DIP2C: variants seen among roughly 807,000 people sequenced by gnomAD.
DIP2C encodes disco-interacting protein 2 homolog C.
In DIP2C, 33 loss-of-function variants were observed where a neutral mutation model predicts 192.4. That is an observed-to-expected ratio of 0.17 (90% CI 0.13 to 0.23). The LOEUF (loss-of-function observed/expected upper bound fraction) is 0.23. Ranked by LOEUF, DIP2C falls within the 10% of genes least tolerant of loss-of-function variation. The pLI is 1.00. For synonymous variants in DIP2C, 979 were observed against 864.1 expected (o/e 1.13, Z -2.33); for missense variants, 1,537 against 2,110.1 (o/e 0.73, Z 5.32).
intron 4 of DIP2C, among the ~76,000 whole-genome samples, chr10:440,467 T>C (rs1282349569): frequency 6.6e-6 from 1 of 152,250 alleles, no homozygotes; most frequent in Non-Finnish European, 1.5e-5. Flanking sequence ...TCCAATTTGC[T>C]TGTTCTAAAA....
At chr10:479,243 A>G (rs1433691456) in intron 2 of DIP2C, among the ~76,000 whole-genome samples, 2 of 150,178 alleles carry the variant, frequency 1.3e-5, no homozygotes, top group African/African-American at 4.9e-5. Context: ...TTTTCCTTGT[A>G]TTCACTGGGA....
At chr10:404,156 C>A (rs767188253) in intron 9 of DIP2C, among the ~76,000 whole-genome samples, 5 of 151,966 alleles carry the variant, frequency 3.3e-5, no homozygotes, top group African/African-American at 7.2e-5. Flanking sequence ...TTCATCAGCA[C>A]GTGAATCCTA....
intron 16 of DIP2C, among the ~76,000 whole-genome samples, chr10:383,778 T>C (rs576182515): frequency 6.6e-6 from 1 of 152,286 alleles, no homozygotes; most frequent in Non-Finnish European, 1.5e-5. Flanking sequence ...ATCCCAGGGC[T>C]GTGGAGTCTA....
chr10:335,099 A>T (rs920804043), intron 29 of DIP2C, among the ~76,000 whole-genome samples: 5 of 152,242 alleles, frequency 3.3e-5, no homozygotes, highest in African/African-American at 1.2e-4. Flanking sequence ...AATTTTTAAA[A>T]ACAGGTGTAA....
intron 29 of DIP2C, among the ~76,000 whole-genome samples, chr10:336,830 CTG>C (rs1266923996): frequency 8.3e-5 from 12 of 145,046 alleles, no homozygotes; most frequent in Non-Finnish European, 1.4e-4. Flanking sequence ...GCCTAGGCAG[CTG>C]TGTGTGTGTG....
intron 1 of DIP2C, among the ~76,000 whole-genome samples, chr10:615,326 G>A (rs1384392159): frequency 6.6e-6 from 1 of 152,190 alleles, no homozygotes; most frequent in Non-Finnish European, 1.5e-5. Flanking sequence ...AGCACTGCAT[G>A]GCTGCTTCTG....
chr10:564,113 A>G (rs1849345148), intron 1 of DIP2C, among the ~76,000 whole-genome samples: 1 of 152,166 alleles, frequency 6.6e-6, no homozygotes, highest in African/African-American at 2.4e-5. Flanking sequence ...ACAGAAAAAG[A>G]CTTAGGGGAG....
In DIP2C at chr10:636,383, CAACT is replaced by C. The variant is rs902926150; in HGVS notation, c.85+53107_85+53110del. Among the ~76,000 whole-genome samples, 2 of 152,146 alleles carry C rather than the reference CAACT, an allele frequency of 1.3e-5. No individual in the cohort carries two copies. Among genetic ancestry groups the C allele is most frequent in the Non-Finnish European group, 2.9e-5 (2 of 68,026 alleles). ...AAGTTTTCTCCACGTGGAGTTCCGA[CAACT>C]AACATTTCGGTAGATTTGCTTTCTC... On this transcript the variant is annotated intron_variant, in intron 1 of 36. Transcript: ENST00000280886. This position sits in a 1 kb window ranked among gnomAD's most constrained non-coding sequence, Gnocchi z 4.6.
intron 1 of DIP2C, among the ~76,000 whole-genome samples, chr10:564,747 G>GAACTCAGCC (rs1849374240): frequency 6.6e-6 from 1 of 152,140 alleles, no homozygotes; most frequent in Non-Finnish European, 1.5e-5. Context: ...GCACTGCACA[G>GAACTCAGCC]AACTCAGCCT....
Position 363,409 on chromosome 10 carries a change from A to G in DIP2C, c.2478-98T>C. ...TCCATAACCATCACTAGTGAGTGAC[A>G]CAGCTCCAACTACGACTTCAAAACG... is the stretch of plus-strand genomic sequence containing the variant. On this transcript the variant is annotated intron_variant, in intron 20 of 36. Coordinates refer to ENST00000280886, the MANE Select transcript of DIP2C (RefSeq NM_014974.3). The surrounding 1 kb of genome is among the most constrained non-coding windows in gnomAD (Gnocchi z 5.4). 1 of 969,550 alleles carries G rather than the reference A, an allele frequency of 1.0e-6. No homozygotes were observed. Among genetic ancestry groups the G allele is most frequent in the Non-Finnish European group, 1.6e-6 (1 of 633,700 alleles). The allele number at this position is 969,550 out of a possible 1,614,324, so 60.1% of individuals were successfully genotyped here. A position where few individuals can be genotyped will look rare whatever the true frequency, so the allele number is the denominator to read the frequency against.
chr10:528,615 TCA>T (rs1477773600), intron 1 of DIP2C, among the ~76,000 whole-genome samples: 2 of 152,218 alleles, frequency 1.3e-5, no homozygotes, highest in South Asian at 2.1e-4. Context: ...GCTGTGCACG[TCA>T]CAGTGAGTCT....
At chr10:557,669 TGTGGGGGTGGGG>T (rs764435897) in intron 1 of DIP2C, among the ~76,000 whole-genome samples, 3,047 of 36,502 alleles carry the variant, frequency 0.083, 448 homozygotes, top group African/African-American at 0.23. Flanking sequence ...CACATACACA[TGTGGGGGTGGGG>T]GTGGGGGTGG....
intron 14 of DIP2C, among the ~76,000 whole-genome samples, chr10:384,922 C>T (rs572239270): frequency 4.6e-5 from 7 of 151,994 alleles, no homozygotes; most frequent in Admixed American, 6.5e-5. Flanking sequence ...CAGGGAGCGC[C>T]GCGGACACCA....
At chr10:422,534 G>T (rs118113032) in intron 5 of DIP2C, among the ~76,000 whole-genome samples, 1 of 152,152 alleles carries the variant, frequency 6.6e-6, no homozygotes, top group African/African-American at 2.4e-5. Context: ...CTGTTGATTG[G>T]GACTGTTAAG....
chr10:374,785 G>T (rs1357324255), intron 17 of DIP2C, among the ~76,000 whole-genome samples: 1 of 152,220 alleles, frequency 6.6e-6, no homozygotes, highest in African/African-American at 2.4e-5. Context: ...ATGAGGTGAG[G>T]AAGGGAAGAA....
At chr10:290,247 G>A (rs887982113) in intron 32 of DIP2C, among the ~76,000 whole-genome samples, 11 of 152,202 alleles carry the variant, frequency 7.2e-5, no homozygotes, top group African/African-American at 2.7e-4. Context: ...CTGCCAAACA[G>A]CTCACATGAT....
intron 1 of DIP2C, among the ~76,000 whole-genome samples, chr10:500,693 T>C (rs1033421825): frequency 1.3e-5 from 2 of 152,218 alleles, no homozygotes; most frequent in Non-Finnish European, 2.9e-5. Context: ...TAAAATCTTT[T>C]AAAAGCTGGA....
chr10:566,251 T>TA (rs1849461926), intron 1 of DIP2C, among the ~76,000 whole-genome samples: 1 of 152,226 alleles, frequency 6.6e-6, no homozygotes, highest in Non-Finnish European at 1.5e-5. Context: ...TGCCCCTTTT[T>TA]AAACTGTAAT....
chr10:512,131 G>A (rs532295433), intron 1 of DIP2C, among the ~76,000 whole-genome samples: 3 of 152,332 alleles, frequency 2.0e-5, no homozygotes, highest in Non-Finnish European at 4.4e-5. Flanking sequence ...AAGCAATGTC[G>A]TGTTGACAAT....
Sources: allele counts gnomAD v4.1 joint callset (sites outside exome capture counted in the v4.1 genomes callset), GRCh38; gene constraint gnomAD v4.1.1; non-coding constraint Gnocchi (gnomAD v3.1); transcripts MANE v1.5; gene names NCBI Gene and HGNC (gene_info 2026-07-23, HGNC 2026-07-21).